The following PRKAR1A variants were observed in gnomAD, a reference collection of about 807,000 sequenced individuals.
PRKAR1A encodes cAMP-dependent protein kinase type I-alpha regulatory subunit.
A neutral mutation model predicts 52.0 loss-of-function variants in PRKAR1A; 3 were observed. The ratio of observed to expected loss-of-function variants is 0.06; its 90% CI spans 0.03 to 0.15. The LOEUF (loss-of-function observed/expected upper bound fraction) is 0.15, where lower values mean the gene tolerates loss of function less well. Among genes scored for constraint, PRKAR1A ranks in the 10% least tolerant of loss-of-function variants. The pLI is 1.00. For synonymous variants in PRKAR1A, 188 were observed against 168.4 expected (o/e 1.12, Z -0.90); for missense variants, 240 against 477.4 (o/e 0.50, Z 4.63).
the PRKAR1A span, among the ~76,000 whole-genome samples, chr17:68,503,343 T>A: frequency 6.6e-6 from 1 of 152,208 alleles, no homozygotes; most frequent in African/African-American, 2.4e-5. Flanking sequence ...ACTTTTGCCA[T>A]GTGATCCAGA....
intron 8 of PRKAR1A, 96 bp from the exon 9 acceptor site, chr17:68,528,774 G>C: frequency 6.7e-7 from 1 of 1,484,342 alleles, no homozygotes; most frequent in Admixed American, 1.7e-5. Context: ...ATGTTGAATG[G>C]GCATGGCTAT....
At chr17:68,538,497 T>G (rs1387798926) in intron 11 of PRKAR1A, among the ~76,000 whole-genome samples, 1 of 152,248 alleles carries the variant, frequency 6.6e-6, no homozygotes, top group Non-Finnish European at 1.5e-5. Flanking sequence ...ATACTGCAGC[T>G]GAGCAGGTGG....
At chr17:68,416,462 CA>C in the PRKAR1A span, among the ~76,000 whole-genome samples, 1 of 152,094 alleles carries the variant, frequency 6.6e-6, no homozygotes, top group Non-Finnish European at 1.5e-5. Flanking sequence ...GATGTTTTTG[CA>C]ATGAATTTCC....
the PRKAR1A span, among the ~76,000 whole-genome samples, chr17:68,485,962 G>A: frequency 4.6e-5 from 7 of 152,134 alleles, no homozygotes; most frequent in Non-Finnish European, 7.4e-5. Context: ...TGGTCTCCAA[G>A]TCCTGACCTC....
At chr17:68,478,308 T>C in the PRKAR1A span, among the ~76,000 whole-genome samples, 1 of 152,018 alleles carries the variant, frequency 6.6e-6, no homozygotes, top group Non-Finnish European at 1.5e-5. Context: ...AAAAATTAGC[T>C]GGGCATGGTG....
the PRKAR1A span, among the ~76,000 whole-genome samples, chr17:68,437,948 T>TAA: frequency 6.1e-4 from 48 of 78,790 alleles, no homozygotes; most frequent in South Asian, 2.8e-3. Context: ...ACATCTCTCT[T>TAA]AAAAAAAAAA....
chr17:68,537,598 A>C, downstream of PRKAR1A: 1 of 1,613,578 alleles, frequency 6.2e-7, no homozygotes, highest in Non-Finnish European at 8.5e-7. This position sits in a 1 kb window ranked among gnomAD's most constrained non-coding sequence, Gnocchi z 4.2. Flanking sequence ...GATGGTTTGG[A>C]GCCTTCGATC....
chr17:68,502,749 T>C, the PRKAR1A span, among the ~76,000 whole-genome samples: 3 of 113,170 alleles, frequency 2.7e-5, no homozygotes, highest in Admixed American at 1.1e-4. Context: ...CGAAACTTCA[T>C]CTCAGGAAAA....
chr17:68,482,754 C>T, the PRKAR1A span, among the ~76,000 whole-genome samples: 1 of 152,168 alleles, frequency 6.6e-6, no homozygotes. Flanking sequence ...TTACTAAGGT[C>T]AATCGGTGGA....
At chr17:68,490,338 A>AAAG in the PRKAR1A span, among the ~76,000 whole-genome samples, 1 of 152,196 alleles carries the variant, frequency 6.6e-6, no homozygotes, top group Admixed American at 6.5e-5. Context: ...TACCTTTGGC[A>AAAG]GTTACCTGGA....
the PRKAR1A span, among the ~76,000 whole-genome samples, chr17:68,427,803 T>TG: frequency 1.3e-5 from 2 of 152,116 alleles, no homozygotes; most frequent in Admixed American, 6.5e-5. Flanking sequence ...CAGCCATCGG[T>TG]GGGGGGCGGT....
chr17:68,511,735 C>T (rs945589942), upstream of PRKAR1A: 5 of 152,026 alleles, frequency 3.3e-5, no homozygotes, highest in African/African-American at 1.2e-4. Flanking sequence ...GACCTGAGCC[C>T]GGGGCCCGGG....
chr17:68,420,511 G>A, the PRKAR1A span: 3 of 1,580,950 alleles, frequency 1.9e-6, no homozygotes, highest in Non-Finnish European at 2.6e-6. Context: ...AATTAGGCAA[G>A]TTTGCTTCCA....
chr17:68,501,735 G>C, the PRKAR1A span, among the ~76,000 whole-genome samples: 1 of 152,152 alleles, frequency 6.6e-6, no homozygotes, highest in Non-Finnish European at 1.5e-5. Context: ...TGGGATTACA[G>C]GCATGAGCCA....
chr17:68,496,996 G>A, the PRKAR1A span, among the ~76,000 whole-genome samples: 3 of 151,566 alleles, frequency 2.0e-5, no homozygotes, highest in Non-Finnish European at 4.4e-5. Context: ...GCCCATTTTT[G>A]TATTTTTTGT....
the PRKAR1A span, among the ~76,000 whole-genome samples, chr17:68,465,379 C>G: frequency 1.3e-5 from 2 of 152,120 alleles, no homozygotes; most frequent in Non-Finnish European, 2.9e-5. Flanking sequence ...CTTGGACTTT[C>G]TTGGGCAATG....
At chr17:68,522,161 A>G (rs1437039415) in intron 2 of PRKAR1A, among the ~76,000 whole-genome samples, 2 of 152,208 alleles carry the variant, frequency 1.3e-5, no homozygotes, top group African/African-American at 2.4e-5. Context: ...TCTGGGATCA[A>G]ACTGGAATGT....
chr17:68,539,752 C>A, intron 11 of PRKAR1A: 1 of 812,834 alleles, frequency 1.2e-6, no homozygotes, highest in Non-Finnish European at 2.1e-6. Context: ...TGGAAGAAGC[C>A]GGGCTCGAAG....
intron 2 of PRKAR1A, among the ~76,000 whole-genome samples, chr17:68,521,806 A>G (rs1328088811): frequency 6.6e-6 from 1 of 152,252 alleles, no homozygotes; most frequent in African/African-American, 2.4e-5. Flanking sequence ...ACAAATTTAT[A>G]TATAGAAAAG....
Sources: allele counts gnomAD v4.1 joint callset (sites outside exome capture counted in the v4.1 genomes callset), GRCh38; gene constraint gnomAD v4.1.1; non-coding constraint Gnocchi (gnomAD v3.1); transcripts MANE v1.5; gene names NCBI Gene and HGNC (gene_info 2026-07-23, HGNC 2026-07-21).